Variants in PCDH11X observed in about 807,000 individuals in gnomAD.
PCDH11X encodes protocadherin-11 X-linked.
Under a neutral mutation model 53.3 loss-of-function variants are expected in PCDH11X, and 18 were observed. The observed-to-expected ratio is 0.34, with a 90% CI of 0.23 to 0.50. PCDH11X has a LOEUF of 0.50. Ranked by LOEUF, PCDH11X falls within the 20% of genes least tolerant of loss-of-function variation. The probability of loss-of-function intolerance (pLI) is 0.98; values close to 1 mark genes in which losing one functional copy is unlikely to be tolerated. For missense variants in PCDH11X, 570 were observed against 1,032.4 expected, an observed-to-expected ratio of 0.55 and a Z score of 6.14; for synonymous variants, 279 against 393.3, an observed-to-expected ratio of 0.71 and a Z score of 3.44.
intron 5 of PCDH11X, among the ~76,000 whole-genome samples, chrX:91,861,587 C>T (rs1370135734): frequency 1.8e-5 from 2 of 110,198 alleles, no homozygotes; most frequent in Non-Finnish European, 3.8e-5. Context: ...GGATGGCTGC[C>T]GCACCTCCCC....
At chrX:91,779,887 G>A (rs1217346407) in intron 1 of PCDH11X, among the ~76,000 whole-genome samples, 14 of 110,985 alleles carry the variant, frequency 1.3e-4, no homozygotes, top group African/African-American at 4.3e-4. Flanking sequence ...GGTGAGCGCA[G>A]GGAGAATATC....
intron 8 of PCDH11X, among the ~76,000 whole-genome samples, chrX:92,299,429 T>C (rs1163481651): frequency 1.8e-5 from 2 of 111,404 alleles, no homozygotes; most frequent in Admixed American, 1.9e-4. Flanking sequence ...ACTGTGAATC[T>C]GTCTGGTTCT....
At chrX:92,078,122 TA>T (rs201869708) in intron 6 of PCDH11X, among the ~76,000 whole-genome samples, 5 of 107,829 alleles carry the variant, frequency 4.6e-5, no homozygotes, top group Admixed American at 3.0e-4. Context: ...TCACCAGTTA[TA>T]AAAAAAAATT....
intron 8 of PCDH11X, among the ~76,000 whole-genome samples, chrX:92,386,005 G>A (rs909114856): frequency 4.5e-5 from 5 of 111,534 alleles, no homozygotes; most frequent in South Asian, 7.5e-4. Flanking sequence ...AATCCTGTCC[G>A]GCTGTTACAC....
chrX:92,569,512 G>A (rs968722078), intron 10 of PCDH11X, among the ~76,000 whole-genome samples: 1 of 109,814 alleles, frequency 9.1e-6, no homozygotes, highest in African/African-American at 3.3e-5. Context: ...TAAAAATCAC[G>A]CAGGTATAAT....
chrX:91,920,660 T>C (rs1043494924), intron 6 of PCDH11X, among the ~76,000 whole-genome samples: 1 of 111,424 alleles, frequency 9.0e-6, no homozygotes, highest in Non-Finnish European at 1.9e-5. Context: ...TTCTTGACAA[T>C]TGAGACATTG....
At chrX:92,264,708 A>T (rs1301363621) in intron 8 of PCDH11X, among the ~76,000 whole-genome samples, 2 of 110,576 alleles carry the variant, frequency 1.8e-5, no homozygotes, top group Non-Finnish European at 3.8e-5. Flanking sequence ...AGTGAATATA[A>T]ATAAGGACAT....
chrX:92,078,999 A>G (rs1417542754), intron 6 of PCDH11X, among the ~76,000 whole-genome samples: 1 of 110,289 alleles, frequency 9.1e-6, no homozygotes, highest in Non-Finnish European at 1.9e-5. Flanking sequence ...AAAAATTATC[A>G]ACTTATGATT....
chrX:91,985,437 G>A (rs1315200221), intron 6 of PCDH11X, among the ~76,000 whole-genome samples: 1 of 112,299 alleles, frequency 8.9e-6, no homozygotes, highest in African/African-American at 3.2e-5. Flanking sequence ...CCCGGGAGGC[G>A]GAGGGTGCAG....
intron 10 of PCDH11X, among the ~76,000 whole-genome samples, chrX:92,471,619 A>G (rs2073264582): frequency 9.0e-6 from 1 of 110,998 alleles, no homozygotes; most frequent in Non-Finnish European, 1.9e-5. Flanking sequence ...TCCTTTGGAT[A>G]TATTCCCAGT....
At chrX:92,508,007 G>T (rs1311461356) in intron 10 of PCDH11X, among the ~76,000 whole-genome samples, 2 of 109,394 alleles carry the variant, frequency 1.8e-5, no homozygotes, top group African/African-American at 6.6e-5. Context: ...TAGAGACGGG[G>T]TTTCACCATG....
At chrX:91,970,234 G>A (rs1490409838) in intron 6 of PCDH11X, among the ~76,000 whole-genome samples, 4 of 111,313 alleles carry the variant, frequency 3.6e-5, no homozygotes, top group Non-Finnish European at 7.5e-5. Context: ...AAAGAACAAA[G>A]CTTCCACCAC....
At chrX:92,265,926 G>C (rs187285120) in intron 8 of PCDH11X, among the ~76,000 whole-genome samples, 34 of 112,188 alleles carry the variant, frequency 3.0e-4, no homozygotes, top group African/African-American at 9.1e-4. Flanking sequence ...TTCTGGAATA[G>C]TAATTTTTAA....
chrX:92,139,273 T>C (rs1325290647), intron 6 of PCDH11X, among the ~76,000 whole-genome samples: 1 of 92,113 alleles, frequency 1.1e-5, no homozygotes, highest in African/African-American at 4.4e-5. Context: ...TTTCTTTCTT[T>C]TTTTTTTTTT....
chrX:92,121,090 A>C (rs1415119404), intron 6 of PCDH11X, among the ~76,000 whole-genome samples: 1 of 111,438 alleles, frequency 9.0e-6, no homozygotes, highest in African/African-American at 3.3e-5. Flanking sequence ...TGTATTTTTA[A>C]ATTTTAGTAG....
chrX:92,066,300 GT>G (rs2063606433), intron 6 of PCDH11X, among the ~76,000 whole-genome samples: 2 of 90,516 alleles, frequency 2.2e-5, no homozygotes, highest in Admixed American at 2.6e-4. Context: ...CTGTAGTGTT[GT>G]TCCTTGTGAT....
At chrX:92,069,427 A>G (rs34418727) in intron 6 of PCDH11X, among the ~76,000 whole-genome samples, 2 of 109,201 alleles carry the variant, frequency 1.8e-5, no homozygotes, top group Non-Finnish European at 3.8e-5. Context: ...AATCAGTTCA[A>G]CCACTCTGTC....
chrX:91,985,350 C>T (rs2062212658), intron 6 of PCDH11X, among the ~76,000 whole-genome samples: 1 of 110,642 alleles, frequency 9.0e-6, no homozygotes, highest in Non-Finnish European at 1.9e-5. Context: ...ACTAAAAATA[C>T]AAAAATTAGC....
chrX:92,267,937 G>T (rs1028741143), intron 8 of PCDH11X, among the ~76,000 whole-genome samples: 31 of 111,586 alleles, frequency 2.8e-4, no homozygotes, highest in Admixed American at 6.6e-4. Flanking sequence ...CCGTCATGGG[G>T]TCCCTACCCT....
Sources: allele counts gnomAD v4.1 joint callset (sites outside exome capture counted in the v4.1 genomes callset), GRCh38; gene constraint gnomAD v4.1.1; transcripts MANE v1.5; gene names NCBI Gene and HGNC (gene_info 2026-07-23, HGNC 2026-07-21).